TRAF1: variants seen among roughly 807,000 people sequenced by gnomAD.
The protein encoded by TRAF1 is TNF receptor-associated factor 1.
Under a neutral mutation model 40.9 loss-of-function variants are expected in TRAF1, and 23 were observed. That is an observed-to-expected ratio of 0.56 (90% confidence interval 0.40 to 0.80). The LOEUF (loss-of-function observed/expected upper bound fraction) is 0.80. Ranked by LOEUF, TRAF1 falls within the 30% of genes least tolerant of loss-of-function variation. TRAF1 has a pLI of 0.00. For missense variants in TRAF1, 477 were observed against 528.7 expected, an observed-to-expected ratio of 0.90 and a Z score of 0.96; for synonymous variants, 206 against 218.8, an observed-to-expected ratio of 0.94 and a Z score of 0.52.
At chr9:120,905,612 C>T (rs574835326) in intron 7 of TRAF1, among the ~76,000 whole-genome samples, 180 of 152,254 alleles carry the variant, frequency 1.2e-3, no homozygotes, top group Non-Finnish European at 2.0e-3. Flanking sequence ...CTGTAACACC[C>T]CCTCTGGCTT....
intron 3 of TRAF1, among the ~76,000 whole-genome samples, chr9:120,920,231 T>C (rs769098453): frequency 2.0e-5 from 3 of 152,140 alleles, no homozygotes; most frequent in Admixed American, 1.3e-4. Context: ...GAGGCTAAGT[T>C]GCCTTTTGTG....
At chr9:120,914,554 A>G in intron 3 of TRAF1, 1 of 1,141,660 alleles carries the variant, frequency 8.8e-7, no homozygotes, top group African/African-American at 1.6e-5. Flanking sequence ...GGCACAGTCC[A>G]CACAGCTCCG....
chr9:120,929,154 C>T (rs553645864), upstream of TRAF1: 1 of 152,488 alleles, frequency 6.6e-6, no homozygotes, highest in South Asian at 2.1e-4. This position sits in a 1 kb window ranked among gnomAD's most constrained non-coding sequence, Gnocchi z 4.5. Flanking sequence ...CGGCCAGGCC[C>T]GGAGCTTCCG....
At chr9:120,911,268 T>C (rs533207713) in intron 6 of TRAF1, 68 bp downstream of exon 6, 2 of 1,542,248 alleles carry the variant, frequency 1.3e-6, no homozygotes, top group Admixed American at 1.9e-5. Flanking sequence ...CAGTTTTCAC[T>C]GCTTGCTTCC....
intron 5 of TRAF1, 102 bp from the exon 6 acceptor site, chr9:120,911,615 G>T: frequency 2.2e-6 from 3 of 1,357,134 alleles, no homozygotes; most frequent in African/African-American, 1.4e-5. Context: ...GTGTTTTGCT[G>T]ACCACGCCTC....
At chr9:120,916,796 C>A (rs552784623) in intron 3 of TRAF1, among the ~76,000 whole-genome samples, 10 of 152,102 alleles carry the variant, frequency 6.6e-5, no homozygotes, top group Admixed American at 1.3e-4. Context: ...GCAGGGAGAC[C>A]GTGCTGGCTT....
chr9:120,918,432 A>AT (rs201338910), intron 3 of TRAF1, among the ~76,000 whole-genome samples: 9 of 148,416 alleles, frequency 6.1e-5, no homozygotes, highest in South Asian at 2.1e-4. Context: ...AATAATACTA[A>AT]TAGTAGTAAT....
chr9:120,907,023 A>G (rs1335213990), intron 7 of TRAF1, among the ~76,000 whole-genome samples: 1 of 152,052 alleles, frequency 6.6e-6, no homozygotes, highest in Admixed American at 6.6e-5. Context: ...CACACATCAC[A>G]ATGCCCAGCT....
Position 120,913,676 on chromosome 9 carries a change from C to A in TRAF1, c.357G>T (p.Leu119=). The change falls in exon 5 of 8, where the codon CTG becomes CTT. Residue 119 remains leucine, a synonymous_variant. Transcript: ENST00000373887. ...CCTTCCACTGTTTCATGAACCCCAA[C>A]AGCAGGTTTAGGTGGGAGGTCTGGG... ...VTSQTSHLNL[L]LGFMKQWKAR... is the part of the protein sequence containing the mutation. The A allele has an allele frequency of 6.2e-7, 1 of 1,612,398 alleles. No homozygotes were observed. Among genetic ancestry groups the A allele is most frequent in the South Asian group, 1.1e-5 (1 of 90,918 alleles).
Position 120,926,030 on chromosome 9 carries a change from T to C in TRAF1, c.46A>G (p.Asn16Asp). 6.2e-7 allele frequency: 1 copy of C among 1,611,782 alleles called. No individual in the cohort carries two copies. The highest frequency in any genetic ancestry group is 8.5e-7 in the Non-Finnish European group (1 of 1,178,906). ...GGAGGGCACCCAAAGGGAAACTCAT[T>C]CTCATCAGGGGCCGGGCGAGGACTG... ...GSSPRPAPDE[N>D]EFPFGCPPTV... is the part of the protein sequence containing the mutation. Residue 16 changes from asparagine (N) to aspartate (D), a missense_variant, in exon 2 of 8, where the codon AAT (asparagine) becomes GAT (aspartate). Physicochemically the swap from Asn to Asp is conservative, Grantham distance 23. Coordinates refer to ENST00000373887, the MANE Select transcript of TRAF1 (RefSeq NM_005658.5).
intron 5 of TRAF1, among the ~76,000 whole-genome samples, chr9:120,912,143 C>T (rs922067941): frequency 6.6e-6 from 1 of 152,106 alleles, no homozygotes; most frequent in African/African-American, 2.4e-5. Context: ...AAAATTTAAT[C>T]GTTAATTTTA....
At chr9:120,919,492 A>G (rs2046591006) in intron 3 of TRAF1, among the ~76,000 whole-genome samples, 1 of 152,182 alleles carries the variant, frequency 6.6e-6, no homozygotes, top group Non-Finnish European at 1.5e-5. Context: ...CAGCCCCTGC[A>G]CAGAACAAAG....
upstream of TRAF1, chr9:120,928,148 T>C (rs1464855322): frequency 6.6e-6 from 1 of 152,254 alleles, no homozygotes; most frequent in Admixed American, 6.5e-5. Context: ...ACCTTACAGA[T>C]GAGAAAACTG....
intron 3 of TRAF1, among the ~76,000 whole-genome samples, chr9:120,921,026 G>A (rs142498343): frequency 2.0e-5 from 3 of 152,094 alleles, no homozygotes; most frequent in African/African-American, 7.2e-5. Context: ...ATGACTTACC[G>A]CCCCTCCCCA....
intron 7 of TRAF1, among the ~76,000 whole-genome samples, chr9:120,908,871 A>G (rs1396609031): frequency 6.6e-6 from 1 of 151,956 alleles, no homozygotes; most frequent in African/African-American, 2.4e-5. Flanking sequence ...GATGGTTTTT[A>G]TTTTTAGCAG....
chr9:120,920,276 C>T (rs1397990091), intron 3 of TRAF1, among the ~76,000 whole-genome samples: 2 of 152,112 alleles, frequency 1.3e-5, no homozygotes, highest in African/African-American at 4.8e-5. Context: ...CAGCTCAGTA[C>T]AAAGAAAGAG....
intron 7 of TRAF1, among the ~76,000 whole-genome samples, chr9:120,905,754 C>T (rs2046475992): frequency 6.6e-6 from 1 of 152,224 alleles, no homozygotes; most frequent in African/African-American, 2.4e-5. Context: ...GTATACACAG[C>T]ACAGACGGAG....
intron 3 of TRAF1, among the ~76,000 whole-genome samples, chr9:120,916,080 G>A (rs1326485465): frequency 2.6e-5 from 4 of 152,176 alleles, no homozygotes; most frequent in African/African-American, 4.8e-5. Flanking sequence ...TGGTGAGTGG[G>A]TAAACAAATT....
rs1180087787 is a variant in TRAF1 at position 120,904,003 on chromosome 9, T to C, written c.*1017A>G. The C allele has an allele frequency of 1.3e-5, 2 of 152,286 alleles. No individual in the cohort carries two copies. Among genetic ancestry groups the C allele is most frequent in the Non-Finnish European group, 2.9e-5 (2 of 68,076 alleles). The allele number at this position is 152,286 out of a possible 1,614,324, so 9.4% of individuals were successfully genotyped here. On this transcript the variant is annotated 3_prime_UTR_variant, in exon 8 of 8. Transcript: ENST00000373887. Reference sequence around the variant, plus strand: ...AAAATTATTTCTTTGGGGTTATACATTGCTCAGTGGCTTGGAGGTCCTGAT... The same window carrying C: ...AAAATTATTTCTTTGGGGTTATACACTGCTCAGTGGCTTGGAGGTCCTGAT...
Sources: allele counts gnomAD v4.1 joint callset (sites outside exome capture counted in the v4.1 genomes callset), GRCh38; gene constraint gnomAD v4.1.1; non-coding constraint Gnocchi (gnomAD v3.1); transcripts MANE v1.5; gene names NCBI Gene and HGNC (gene_info 2026-07-23, HGNC 2026-07-21).